The following BAP1 variants were observed in gnomAD, a reference collection of about 807,000 sequenced individuals.
BAP1 encodes the protein ubiquitin carboxyl-terminal hydrolase BAP1.
Under a neutral mutation model 77.2 loss-of-function variants are expected in BAP1, and 16 were observed. That is an observed-to-expected ratio of 0.21 (90% confidence interval 0.14 to 0.31). The LOEUF (loss-of-function observed/expected upper bound fraction) is 0.31, where lower values mean the gene tolerates loss of function less well. Among genes scored for constraint, BAP1 ranks in the 10% least tolerant of loss-of-function variants. The pLI, the probability that BAP1 is intolerant of heterozygous loss-of-function variation, is 1.00. For missense variants in BAP1, 699 were observed against 967.3 expected, an observed-to-expected ratio of 0.72 and a Z score of 3.68; for synonymous variants, 362 against 385.2, an observed-to-expected ratio of 0.94 and a Z score of 0.71.
chr3:52,409,121 C>T (rs1226279607), intron 3 of BAP1, among the ~76,000 whole-genome samples: 2 of 152,222 alleles, frequency 1.3e-5, no homozygotes, highest in Non-Finnish European at 2.9e-5. Flanking sequence ...TTCTGCAGGA[C>T]CACTGGGAAA....
In BAP1 at chr3:52,410,002, G is replaced by C; in HGVS notation, c.-124C>G. The stretch of plus-strand genomic sequence containing the variant: ...ACACACAGACAACGGGCCCAGTCGC[G>C]TCACCCGCCCGCGCCGGCGGCAGAC... On this transcript the variant is annotated 5_prime_UTR_variant, in exon 1 of 17. Coordinates refer to ENST00000460680, the MANE Select transcript of BAP1 (RefSeq NM_004656.4). 7.1e-7 allele frequency: 1 copy of C among 1,408,250 alleles called. No individual in the cohort carries two copies. Among genetic ancestry groups the C allele is most frequent in the Non-Finnish European group, 9.6e-7 (1 of 1,041,776 alleles). 87.2% of individuals were successfully genotyped at this position (1,408,250 alleles called of 1,614,324 possible).
Position 52,405,179 on chromosome 3 carries a change from G to C in BAP1, c.1047C>G (p.Asn349Lys), listed in dbSNP as rs938452807. Reference sequence around the variant, plus strand: ...GCAGCCGCTGGACAATGGGAGTGGGGTTGGGGTGAACCCCATTGAGGCTGC... The same window carrying C: ...GCAGCCGCTGGACAATGGGAGTGGGCTTGGGGTGAACCCCATTGAGGCTGC... ...PGSSLNGVHP[N>K]PTPIVQRLPA... is the part of the protein sequence containing the mutation. Residue 349 changes from asparagine to lysine, a missense_variant, in exon 11 of 17, where the codon AAC becomes AAG. By Grantham distance (94) the Asn-to-Lys change is moderately conservative. Coordinates refer to ENST00000460680, the MANE Select transcript of BAP1 (RefSeq NM_004656.4). The C allele has an allele frequency of 2.5e-5, 40 of 1,614,154 alleles. No individual in the cohort carries two copies. The highest frequency in any genetic ancestry group is 3.4e-5 in the Non-Finnish European group (40 of 1,180,036).
chr3:52,402,059 G>A lies in BAP1; in HGVS notation c.*229C>T, dbSNP rs1162517138. ...GCTGTGGAGGAAGCTGCAGTACCTCGCTGTGCCCCAACTCCAGATGCTGCC... is the reference window on the plus strand; with the variant it reads ...GCTGTGGAGGAAGCTGCAGTACCTCACTGTGCCCCAACTCCAGATGCTGCC... On this transcript the variant is annotated 3_prime_UTR_variant, in exon 17 of 17. Transcript: ENST00000460680. This position sits in a 1 kb window ranked among gnomAD's most constrained non-coding sequence, Gnocchi z 5.3. The A allele has an allele frequency of 8.5e-6, 6 of 709,738 alleles. No individual in the cohort carries two copies. Among genetic ancestry groups the A allele is most frequent in the East Asian group, 2.8e-5 (1 of 36,310 alleles). The allele number at this position is 709,738 out of a possible 1,614,324, so 44.0% of individuals were successfully genotyped here.
rs1186457565 is a variant in BAP1, at chr3:52,403,025, C to CA, written c.1890+112dup. The CA allele has an allele frequency of 6.3e-7, 1 of 1,597,142 alleles. No homozygotes were observed. Among genetic ancestry groups the CA allele is most frequent in the Non-Finnish European group, 8.5e-7 (1 of 1,176,500 alleles). On this transcript the variant is annotated intron_variant, in intron 14 of 16. Transcript: ENST00000460680. This position sits in a 1 kb window ranked among gnomAD's most constrained non-coding sequence, Gnocchi z 4.0. ...CAGAAAGTCTTCTGGCACATGGCTC[C>CA]AGCCACCAATCTTCACACCAAAGTT...
rs1705111579 is a variant in BAP1, at chr3:52,405,232, G to T, written c.994C>A (p.Pro332Thr). 6.2e-7 allele frequency: 1 copy of T among 1,614,116 alleles called. No homozygotes were observed. Among genetic ancestry groups the T allele is most frequent in the Non-Finnish European group, 8.5e-7 (1 of 1,180,036 alleles). ...QAPSHSPPNK[P>T]KLVVKPPGSS... ...CCTGGAGGCTTCACCACTAGCTTGG[G>T]TTTGTTGGGAGGGCTGTGGGATGGG... The change falls in exon 11 of 17, where the codon CCC becomes ACC. Residue 332 changes from proline to threonine, a missense_variant. By Grantham distance (38) the Pro-to-Thr change is conservative. Transcript: ENST00000460680.
chr3:52,405,328 A>C (rs1705116250), intron 10 of BAP1, 34 bp from the exon 11 acceptor site: 12 of 1,611,710 alleles, frequency 7.4e-6, no homozygotes, highest in Non-Finnish European at 1.0e-5. Flanking sequence ...CAGGACCTCC[A>C]GTAGGATCTC....
rs1705009460 is a variant in BAP1, at chr3:52,402,820, C to A, written c.1942G>T (p.Ala648Ser). Residue 648 changes from alanine (A) to serine (S), a missense_variant, in exon 15 of 17, where the codon GCG becomes TCG. Transcript: ENST00000460680. This position sits in a 1 kb window ranked among gnomAD's most constrained non-coding sequence, Gnocchi z 5.3. ...TTCTCTACCTCCTCCTTGAGGCACG[C>A]CTCATAGTTTGCAATCTCAGCCTCC... is the stretch of plus-strand genomic sequence containing the variant. ...CVEAEIANYE[A>S]CLKEEVEKRK... is the part of the protein sequence containing the mutation. 2 of 1,614,268 alleles carry A rather than the reference C, an allele frequency of 1.2e-6. No homozygotes were observed. Among genetic ancestry groups the A allele is most frequent in the Non-Finnish European group, 1.7e-6 (2 of 1,180,056 alleles).
chr3:52,409,467 G>A, intron 3 of BAP1, 87 bp downstream of exon 3: 1 of 1,536,744 alleles, frequency 6.5e-7, no homozygotes. Flanking sequence ...AGGGTTCCTG[G>A]CACTGTCTTC....
chr3:52,407,911 G>C (rs1340042532), intron 5 of BAP1, 47 bp downstream of exon 5: 8 of 1,611,896 alleles, frequency 5.0e-6, no homozygotes, highest in Non-Finnish European at 6.8e-6. Flanking sequence ...CTCAGGGTCA[G>C]ATCTGCCCAG....
chr3:52,406,649 G>A lies in BAP1; in HGVS notation c.659+180C>T. On this transcript the variant is annotated intron_variant, in intron 8 of 16. Coordinates refer to ENST00000460680, the MANE Select transcript of BAP1 (RefSeq NM_004656.4). The surrounding 1 kb of genome is among the most constrained non-coding windows in gnomAD (Gnocchi z 4.6). The stretch of plus-strand genomic sequence containing the variant: ...TGCCCCTCCCCCAGCCCACCCAGGA[G>A]CAGGCCACAGGCAGCCCAGGCAGGA... 1.1e-6 allele frequency: 1 copy of A among 893,096 alleles called. No individual in the cohort carries two copies. The highest frequency in any genetic ancestry group is 1.7e-6 in the Non-Finnish European group (1 of 578,352). 55.3% of individuals were successfully genotyped at this position (893,096 alleles called of 1,614,324 possible).
At chr3:52,408,712 C>T in intron 3 of BAP1, 106 bp from the exon 4 acceptor site, 2 of 1,384,894 alleles carry the variant, frequency 1.4e-6, no homozygotes, top group East Asian at 2.5e-5. Flanking sequence ...ACTCAGGTGT[C>T]CTTGCTGTGA....
In BAP1 at chr3:52,402,341, G is replaced by A. The variant is rs1704983297; in HGVS notation, c.2137C>T (p.Arg713Trp). The change falls in exon 17 of 17, where the codon CGG becomes TGG. Residue 713 changes from arginine (R) to tryptophan (W), a missense_variant. Physicochemically the swap from Arg to Trp is moderately radical, Grantham distance 101. Around this residue, in one of 3 missense-constraint regions of BAP1, gnomAD observed 64 missense variants for 112.1 expected, o/e 0.57. Coordinates refer to ENST00000460680, the MANE Select transcript of BAP1 (RefSeq NM_004656.4). This position sits in a 1 kb window ranked among gnomAD's most constrained non-coding sequence, Gnocchi z 5.3. ...GVSIGRLHKQ[R>W]KPDRRKRSRP... ...GAGCGTTTCCGCCGGTCAGGCTTCC[G>A]CTGCTTGTGGAGCCGGCCGATGCTG... The A allele has an allele frequency of 1.3e-6, 2 of 1,588,984 alleles. No individual in the cohort carries two copies. The highest frequency in any genetic ancestry group is 1.7e-6 in the Non-Finnish European group (2 of 1,169,204).
chr3:52,404,429 G>C (rs1449121030), intron 12 of BAP1, 24 bp downstream of exon 12: 3 of 1,614,214 alleles, frequency 1.9e-6, no homozygotes, highest in Admixed American at 3.3e-5. Flanking sequence ...CTAGAACCTG[G>C]TAGCCTTAGA....
At position 52,402,107 on chromosome 3, in the gene BAP1, C is replaced by T; in HGVS notation, c.*181G>A. ...GCCTCCTGAGCACTATGGGGCTGAT[C>T]TGCCGTGTCAGGCCTCAGGGCACGA... On this transcript the variant is annotated 3_prime_UTR_variant, in exon 17 of 17. Coordinates refer to ENST00000460680, the MANE Select transcript of BAP1 (RefSeq NM_004656.4). This position sits in a 1 kb window ranked among gnomAD's most constrained non-coding sequence, Gnocchi z 5.3. 9.3e-7 allele frequency: 1 copy of T among 1,078,098 alleles called. No individual in the cohort carries two copies. The highest frequency in any genetic ancestry group is 1.3e-6 in the Non-Finnish European group (1 of 758,768). The allele number at this position is 1,078,098 out of a possible 1,614,324, so 66.8% of individuals were successfully genotyped here. A position where few individuals can be genotyped will look rare whatever the true frequency, so the allele number is the denominator to read the frequency against.
At position 52,402,931 on chromosome 3, in the gene BAP1, C is replaced by T. The variant is rs1705014019; in HGVS notation, c.1891-60G>A. The T allele has an allele frequency of 2.5e-6, 4 of 1,612,224 alleles. No individual in the cohort carries two copies. Among genetic ancestry groups the T allele is most frequent in the Non-Finnish European group, 3.4e-6 (4 of 1,179,988 alleles). On this transcript the variant is annotated intron_variant, in intron 14 of 16. Transcript: ENST00000460680. The surrounding 1 kb of genome is among the most constrained non-coding windows in gnomAD (Gnocchi z 5.3). ...CGGGCCAGCAACAAAGCCCCACGAGCAATAGGCAGCTAGAGGCAAGGATGA... is the reference window on the plus strand; with the variant it reads ...CGGGCCAGCAACAAAGCCCCACGAGTAATAGGCAGCTAGAGGCAAGGATGA...
chr3:52,409,022 C>T (rs1157789617), intron 3 of BAP1, among the ~76,000 whole-genome samples: 1 of 152,234 alleles, frequency 6.6e-6, no homozygotes, highest in Non-Finnish European at 1.5e-5. Context: ...CAAATGAACA[C>T]CCACACCAGT....
At position 52,401,525 on chromosome 3, in the gene BAP1, G is replaced by C. The variant is rs966560091; in HGVS notation, c.*763C>G. 1 of 233,688 alleles carries C rather than the reference G, an allele frequency of 4.3e-6. No homozygotes were observed. The highest frequency in any genetic ancestry group is 5.6e-5 in the Admixed American group (1 of 17,788). 14.5% of individuals were successfully genotyped at this position (233,688 alleles called of 1,614,324 possible). ...CTAGGGCCACAACACTGAAGGCGAAGAGCCCTAGAACCTTGCTATGGAGAG... is the reference window on the plus strand; with the variant it reads ...CTAGGGCCACAACACTGAAGGCGAACAGCCCTAGAACCTTGCTATGGAGAG... On this transcript the variant is annotated 3_prime_UTR_variant, in exon 17 of 17. Coordinates refer to ENST00000460680, the MANE Select transcript of BAP1 (RefSeq NM_004656.4).
At position 52,405,302 on chromosome 3, in the gene BAP1, AG is replaced by A; in HGVS notation, c.932-9del. The A allele has an allele frequency of 1.2e-6, 2 of 1,613,486 alleles. No homozygotes were observed. The highest frequency in any genetic ancestry group is 1.7e-6 in the Non-Finnish European group (2 of 1,179,990). Reference sequence around the variant, plus strand: ...CCGCCTCCTCTGCACCATCTGAGACAGGGCAAGAACACAGGCAGGACCTCCA... The same window carrying A: ...CCGCCTCCTCTGCACCATCTGAGACAGGCAAGAACACAGGCAGGACCTCCA... On this transcript the variant is annotated splice_polypyrimidine_tract_variant and intron_variant, in intron 10 of 16. Transcript: ENST00000460680.
Position 52,402,392 on chromosome 3 carries a change from T to C in BAP1, c.2086A>G (p.Ile696Val), listed in dbSNP as rs1704986494. 1 of 1,569,728 alleles carries C rather than the reference T, an allele frequency of 6.4e-7. No individual in the cohort carries two copies. Residue 696 changes from isoleucine (I) to valine (V), a missense_variant, in exon 17 of 17, where the codon ATC (isoleucine) becomes GTC (valine). Ile to Val is a conservative substitution (Grantham distance 29). Coordinates refer to ENST00000460680, the MANE Select transcript of BAP1 (RefSeq NM_004656.4). The surrounding 1 kb of genome is among the most constrained non-coding windows in gnomAD (Gnocchi z 5.3). ...ACCCCTTGGCGCCGCCGCACGGAGA[T>C]GTTCTGCTCCACTAGGTTGGCCAGC... The part of the protein sequence containing the change: ...GMLANLVEQN[I>V]SVRRRQGVSI...
Sources: allele counts gnomAD v4.1 joint callset (sites outside exome capture counted in the v4.1 genomes callset), GRCh38; gene constraint gnomAD v4.1.1; regional missense constraint gnomAD v4.1.1; non-coding constraint Gnocchi (gnomAD v3.1); transcripts MANE v1.5; gene names NCBI Gene and HGNC (gene_info 2026-07-23, HGNC 2026-07-21).